RAPGEF4: variants seen among roughly 807,000 people sequenced by gnomAD.
RAPGEF4 encodes the protein Rap guanine nucleotide exchange factor 4.
In RAPGEF4, 66 loss-of-function variants were observed where a neutral mutation model predicts 147.9. The ratio of observed to expected loss-of-function variants is 0.45; its 90% CI spans 0.37 to 0.55. The LOEUF is 0.55. Ranked by LOEUF, RAPGEF4 falls within the 20% of genes least tolerant of loss-of-function variation. The pLI is 0.00. For synonymous variants in RAPGEF4, 419 were observed against 442.7 expected (o/e 0.95, Z 0.67); for missense variants, 1,071 against 1,257.3 (o/e 0.85, Z 2.24).
intron 4 of RAPGEF4, among the ~76,000 whole-genome samples, chr2:172,900,088 G>T (rs751238825): frequency 3.9e-4 from 59 of 152,212 alleles, no homozygotes; most frequent in Non-Finnish European, 6.9e-4. Context: ...CTCCGAAGAG[G>T]ACTCACTCGA....
chr2:172,822,867 T>G (rs1161509274), intron 4 of RAPGEF4, among the ~76,000 whole-genome samples: 1 of 152,240 alleles, frequency 6.6e-6, no homozygotes, highest in Non-Finnish European at 1.5e-5. Flanking sequence ...TCTCAATAGC[T>G]GCTCACCTCA....
intron 19 of RAPGEF4, 71 bp from the exon 20 acceptor site, chr2:173,017,103 A>T (rs1695572776): frequency 1.5e-6 from 2 of 1,373,040 alleles, no homozygotes; most frequent in Non-Finnish European, 2.1e-6. Context: ...ACATAAGATT[A>T]GTTATATACA....
chr2:172,924,681 G>A (rs1222128848), intron 6 of RAPGEF4, among the ~76,000 whole-genome samples: 1 of 152,200 alleles, frequency 6.6e-6, no homozygotes, highest in Non-Finnish European at 1.5e-5. Flanking sequence ...AGAAGCTTAA[G>A]AGCCTTAAAG....
In RAPGEF4 at chr2:172,797,531, G is replaced by C; in HGVS notation, c.215G>C (p.Arg72Pro). 6.2e-7 allele frequency: 1 copy of C among 1,612,060 alleles called. No individual in the cohort carries two copies. Among genetic ancestry groups the C allele is most frequent in the Non-Finnish European group, 8.5e-7 (1 of 1,178,938 alleles). ...ENLEKGITLF[R>P]QGDIGTNWYA... ...CACAATTTTTTTTTCCCAGTATTTC[G>C]CCAGGGTGATATTGGAACAAACTGG... The change falls in exon 3 of 31, where the codon CGC becomes CCC. Residue 72 changes from arginine (R) to proline (P), a missense_variant. Arg to Pro is a moderately radical substitution (Grantham distance 103). Transcript: ENST00000397081.
chr2:172,870,484 T>C (rs1339357201), intron 4 of RAPGEF4, among the ~76,000 whole-genome samples: 3 of 152,198 alleles, frequency 2.0e-5, no homozygotes, highest in African/African-American at 7.2e-5. Context: ...CCCTCTTAAG[T>C]AGCTGTGGCC....
intron 4 of RAPGEF4, among the ~76,000 whole-genome samples, chr2:172,819,461 C>CTTTTTTTTTTTTTTTTTTTTTTTTTT: frequency 1.1e-5 from 1 of 87,008 alleles, no homozygotes; most frequent in Non-Finnish European, 2.1e-5. Flanking sequence ...ATTTTTAGTT[C>CTTTTTTTTTTTTTTTTTTTTTTTTTT]TTTTTTTTTT....
chr2:172,750,318 G>T (rs140324921), intron 1 of RAPGEF4, among the ~76,000 whole-genome samples: 116 of 152,086 alleles, frequency 7.6e-4, no homozygotes, highest in Middle Eastern at 6.8e-3. Flanking sequence ...ATTCCACGTG[G>T]CTGGGGAGGC....
intron 4 of RAPGEF4, among the ~76,000 whole-genome samples, chr2:172,815,844 G>A (rs1386658555): frequency 6.6e-6 from 1 of 152,104 alleles, no homozygotes; most frequent in African/African-American, 2.4e-5. Context: ...GTTGCTACCT[G>A]TGAACATTAA....
chr2:172,942,956 G>A (rs1157447650), intron 6 of RAPGEF4, among the ~76,000 whole-genome samples: 1 of 152,066 alleles, frequency 6.6e-6, no homozygotes, highest in Non-Finnish European at 1.5e-5. Flanking sequence ...CATCTGGCTG[G>A]CGGCCACTGC....
chr2:172,990,759 A>T lies in RAPGEF4; in HGVS notation c.1375-51A>T, dbSNP rs1340627292. 2.2e-6 allele frequency: 3 copies of T among 1,379,748 alleles called. No individual in the cohort carries two copies. In the African/African-American group the frequency reaches 4.3e-5, roughly 20 times the overall value. 85.5% of individuals were successfully genotyped at this position (1,379,748 alleles called of 1,614,324 possible). A position where few individuals can be genotyped will look rare whatever the true frequency, so the allele number is the denominator to read the frequency against. ...TTCTGAAGCATTTGAAAATTTTTTC[A>T]TTGTCTGAGTAAGCGGCAGCATCTG... On this transcript the variant is annotated intron_variant, in intron 14 of 30. Coordinates refer to ENST00000397081, the MANE Select transcript of RAPGEF4 (RefSeq NM_007023.4).
At chr2:173,022,547 G>A (rs758732032) in intron 23 of RAPGEF4, among the ~76,000 whole-genome samples, 39 of 152,200 alleles carry the variant, frequency 2.6e-4, no homozygotes, top group Non-Finnish European at 5.4e-4. Context: ...GGATGACCCT[G>A]CAGTAGAGAA....
intron 1 of RAPGEF4, among the ~76,000 whole-genome samples, chr2:172,772,923 C>G (rs1683774369): frequency 6.6e-6 from 1 of 152,160 alleles, no homozygotes; most frequent in African/African-American, 2.4e-5. Context: ...TCTGAATCTG[C>G]TTAGCACACA....
intron 4 of RAPGEF4, among the ~76,000 whole-genome samples, chr2:172,841,324 A>G (rs1691565515): frequency 6.6e-6 from 1 of 152,040 alleles, no homozygotes; most frequent in Admixed American, 6.6e-5. Flanking sequence ...TATACATTTC[A>G]GCTCCCCTTT....
chr2:173,040,087 C>A (rs1388379714), intron 29 of RAPGEF4, among the ~76,000 whole-genome samples: 5 of 151,526 alleles, frequency 3.3e-5, no homozygotes, highest in Admixed American at 3.3e-4. Context: ...ACTTGGGAGG[C>A]TGAGGTAGGA....
At chr2:172,758,109 G>T (rs1695949607) in intron 1 of RAPGEF4, among the ~76,000 whole-genome samples, 1 of 152,156 alleles carries the variant, frequency 6.6e-6, no homozygotes, top group Non-Finnish European at 1.5e-5. Flanking sequence ...GCAGAATAGG[G>T]TTCACTGGGA....
chr2:173,035,283 C>T (rs1178498536), intron 27 of RAPGEF4, among the ~76,000 whole-genome samples: 3 of 151,882 alleles, frequency 2.0e-5, no homozygotes, highest in Non-Finnish European at 2.9e-5. Flanking sequence ...CCGAGGCGGG[C>T]AGATCACGAG....
chr2:172,994,183 C>T (rs563004560), intron 15 of RAPGEF4, among the ~76,000 whole-genome samples: 2 of 152,266 alleles, frequency 1.3e-5, no homozygotes, highest in East Asian at 3.9e-4. Context: ...GACTGGTTTT[C>T]CCCCCATTCA....
At chr2:172,820,716 G>A (rs1337778124) in intron 4 of RAPGEF4, among the ~76,000 whole-genome samples, 1 of 152,216 alleles carries the variant, frequency 6.6e-6, no homozygotes, top group Admixed American at 6.5e-5. Context: ...TCTGTCTTAA[G>A]AAAAGAAAGT....
intron 4 of RAPGEF4, among the ~76,000 whole-genome samples, chr2:172,862,698 C>G (rs1243375805): frequency 1.3e-5 from 2 of 152,202 alleles, no homozygotes; most frequent in Non-Finnish European, 2.9e-5. Flanking sequence ...CACCCTCCCT[C>G]TTCAGATTTG....
Sources: gnomAD v4.1 joint callset for allele counts (sites outside exome capture counted in the v4.1 genomes callset) on GRCh38, gnomAD v4.1.1 for gene constraint, MANE v1.5 for transcripts, NCBI Gene and HGNC (gene_info 2026-07-23, HGNC 2026-07-21) for gene names.